Variants in RSBN1 observed in about 807,000 individuals in gnomAD.
RSBN1 encodes the protein lysine-specific demethylase 9.
In RSBN1, 23 loss-of-function variants were observed where a neutral mutation model predicts 74.8. That is an observed-to-expected ratio of 0.31 (90% CI 0.22 to 0.44). The LOEUF is 0.44. Among genes scored for constraint, RSBN1 ranks in the 20% least tolerant of loss-of-function variants. RSBN1 has a pLI of 1.00. For synonymous variants in RSBN1, 407 were observed against 379.6 expected, an observed-to-expected ratio of 1.07 and a Z score of -0.84; for missense variants, 808 against 1,020.9, an observed-to-expected ratio of 0.79 and a Z score of 2.84.
chr1:113,783,734 CAG>C (rs1660184623), intron 2 of RSBN1, among the ~76,000 whole-genome samples: 1 of 152,084 alleles, frequency 6.6e-6, no homozygotes, highest in Non-Finnish European at 1.5e-5. Flanking sequence ...GGCTGCAACA[CAG>C]AGTGGTAAAG....
chr1:113,764,136 A>G lies in RSBN1; in HGVS notation c.*1844T>C, dbSNP rs1659737389. On this transcript the variant is annotated 3_prime_UTR_variant, in exon 7 of 7. Coordinates refer to ENST00000261441, the MANE Select transcript of RSBN1 (RefSeq NM_018364.5). Reference sequence around the variant, plus strand: ...AACAAAATAACAAAAAACACCCTCAAAGGCAGGTCCCGTTAAAAACTAGTC... The same window carrying G: ...AACAAAATAACAAAAAACACCCTCAGAGGCAGGTCCCGTTAAAAACTAGTC... 6.6e-6 allele frequency: 1 copy of G among 152,610 alleles called. No individual in the cohort carries two copies. Among genetic ancestry groups the G allele is most frequent in the African/African-American group, 2.4e-5 (1 of 41,416 alleles). 9.5% of individuals were successfully genotyped at this position (152,610 alleles called of 1,614,324 possible). A position where few individuals can be genotyped will look rare whatever the true frequency, so the allele number is the denominator to read the frequency against.
In RSBN1 at chr1:113,797,837, A is replaced by T. The variant is rs767424702; in HGVS notation, c.903T>A (p.Thr301=). 2 of 1,614,030 alleles carry T rather than the reference A, an allele frequency of 1.2e-6. No homozygotes were observed. Among genetic ancestry groups the T allele is most frequent in the South Asian group, 2.2e-5 (2 of 91,078 alleles). ...TGAAGGACTCCTTATTAAGTCCTGAAGTGCTATTTATTTGTCCTTGGGTGA... is the reference window on the plus strand; with the variant it reads ...TGAAGGACTCCTTATTAAGTCCTGATGTGCTATTTATTTGTCCTTGGGTGA... ...EILTQGQINS[T]SGLNKESFRY... Residue 301 remains threonine (T), a synonymous_variant, in exon 2 of 7, where the codon ACT becomes ACA. Transcript: ENST00000261441.
At chr1:113,778,750 G>C (rs750066598) in intron 2 of RSBN1, among the ~76,000 whole-genome samples, 1 of 152,006 alleles carries the variant, frequency 6.6e-6, no homozygotes, top group Non-Finnish European at 1.5e-5. Context: ...TTTTTTTCCA[G>C]AAGTCTTTCT....
intron 2 of RSBN1, among the ~76,000 whole-genome samples, chr1:113,785,354 T>C (rs1476179852): frequency 2.6e-5 from 4 of 152,202 alleles, no homozygotes; most frequent in Non-Finnish European, 4.4e-5. Context: ...TGAGGGTGTT[T>C]TACAGTTAAC....
chr1:113,793,746 T>C (rs1027282171), intron 2 of RSBN1, among the ~76,000 whole-genome samples: 1 of 151,914 alleles, frequency 6.6e-6, no homozygotes, highest in Non-Finnish European at 1.5e-5. Context: ...AGTGACGTGA[T>C]CTTGGCTCAG....
chr1:113,803,715 T>G (rs1003313150), intron 1 of RSBN1, among the ~76,000 whole-genome samples: 5 of 145,942 alleles, frequency 3.4e-5, no homozygotes, highest in Non-Finnish European at 7.5e-5. Flanking sequence ...GCTGTACTGT[T>G]AGATAGACCT....
chr1:113,775,755 A>T (rs1571297351), intron 4 of RSBN1, among the ~76,000 whole-genome samples: 2 of 152,346 alleles, frequency 1.3e-5, no homozygotes, highest in South Asian at 2.1e-4. Context: ...TAACAATTTA[A>T]TAAGATTTCA....
intron 2 of RSBN1, among the ~76,000 whole-genome samples, chr1:113,789,439 C>T (rs1308154580): frequency 2.6e-5 from 4 of 152,134 alleles, no homozygotes; most frequent in Non-Finnish European, 5.9e-5. Flanking sequence ...TGTTTATTTG[C>T]ACCCTTTAAC....
chr1:113,804,046 T>C (rs1427282969), intron 1 of RSBN1, among the ~76,000 whole-genome samples: 1 of 152,012 alleles, frequency 6.6e-6, no homozygotes, highest in Admixed American at 6.6e-5. Context: ...GGAGGATCGC[T>C]TGAGCCCAGG....
intron 2 of RSBN1, among the ~76,000 whole-genome samples, chr1:113,796,823 A>G (rs1351066847): frequency 6.6e-6 from 1 of 152,202 alleles, no homozygotes; most frequent in Non-Finnish European, 1.5e-5. Context: ...GCTTCAAAAA[A>G]TGTCTTCACC....
At chr1:113,795,356 T>A (rs1224649682) in intron 2 of RSBN1, among the ~76,000 whole-genome samples, 1 of 152,232 alleles carries the variant, frequency 6.6e-6, no homozygotes, top group Non-Finnish European at 1.5e-5. Flanking sequence ...CCCACTAGGT[T>A]GTTTCAAATA....
intron 2 of RSBN1, among the ~76,000 whole-genome samples, chr1:113,781,729 G>A (rs540674873): frequency 9.2e-5 from 14 of 152,068 alleles, no homozygotes; most frequent in Admixed American, 3.3e-4. Context: ...GTACTTCGCC[G>A]GTTAATAATA....
chr1:113,772,101 G>A (rs1302486929), intron 4 of RSBN1, among the ~76,000 whole-genome samples: 1 of 152,092 alleles, frequency 6.6e-6, no homozygotes, highest in East Asian at 1.9e-4. Context: ...TGGGTCTGCA[G>A]TAAACATAGC....
chr1:113,798,753 G>A (rs929246900), intron 1 of RSBN1, among the ~76,000 whole-genome samples: 4 of 152,140 alleles, frequency 2.6e-5, no homozygotes, highest in East Asian at 3.9e-4. Flanking sequence ...TATTTAAAAC[G>A]ACACAACAGG....
intron 2 of RSBN1, among the ~76,000 whole-genome samples, chr1:113,785,080 ACTTT>A (rs888457407): frequency 2.0e-5 from 3 of 152,158 alleles, no homozygotes; most frequent in Non-Finnish European, 2.9e-5. Context: ...ATACAAAAAT[ACTTT>A]CTTTACGTCC....
Position 113,812,193 on chromosome 1 carries a change from C to A in RSBN1, c.220G>T (p.Glu74Ter). Reference sequence around the variant, plus strand: ...GGGGAGACCCCAGCATGAGGTTTCTCCTTCCCCTCTTTGTCCGGCTCCTCC... The same window carrying A: ...GGGGAGACCCCAGCATGAGGTTTCTACTTCCCCTCTTTGTCCGGCTCCTCC... ...AQEEPDKEGK[E>*]KPHAGVSPRG... The change falls in exon 1 of 7, where the codon GAG becomes TAG. Residue 74 changes from glutamate to a stop codon, truncating the protein, a stop_gained. Coordinates refer to ENST00000261441, the MANE Select transcript of RSBN1 (RefSeq NM_018364.5). LOFTEE classifies it high-confidence loss of function. The A allele has an allele frequency of 6.2e-7, 1 of 1,608,638 alleles. No individual in the cohort carries two copies.
At chr1:113,790,978 G>A (rs148000634) in intron 2 of RSBN1, among the ~76,000 whole-genome samples, 556 of 152,216 alleles carry the variant, frequency 3.7e-3, no homozygotes, top group Non-Finnish European at 5.9e-3. Flanking sequence ...ACTCTGGCCT[G>A]GAAATAGCAA....
chr1:113,777,673 T>G lies in RSBN1; in HGVS notation c.1513A>C (p.Lys505Gln), dbSNP rs752051207. 6.2e-7 allele frequency: 1 copy of G among 1,608,432 alleles called. No homozygotes were observed. Among genetic ancestry groups the G allele is most frequent in the Non-Finnish European group, 8.5e-7 (1 of 1,176,552 alleles). ...TAATAATCTTAATTAACACTCACTT[T>G]CAGAAATGGTGATTCTTCTAACATA... ...LDMLEESPFLKMTLPWGTLSS... is the reference protein window; with the variant it reads ...LDMLEESPFLQMTLPWGTLSS... The change falls in exon 3 of 7, where the codon AAA becomes CAA. Residue 505 changes from lysine (K) to glutamine (Q), a missense_variant and splice_region_variant. By Grantham distance (53) the Lys-to-Gln change is moderately conservative. Around this residue, in one of 6 missense-constraint regions of RSBN1, gnomAD observed 112 missense variants for 257.3 expected, o/e 0.44. Transcript: ENST00000261441.
Position 113,766,321 on chromosome 1 carries a change from A to T in RSBN1, c.2068T>A (p.Ser690Thr), listed in dbSNP as rs1659780941. Residue 690 changes from serine (S) to threonine (T), a missense_variant, in exon 7 of 7, where the codon TCG (serine) becomes ACG (threonine). This residue lies in a region of RSBN1 where 38 missense variants were observed against 120.6 expected (regional missense o/e 0.32). Transcript: ENST00000261441. ...RNVIHQFKTV[S>T]AVCSLAWHIR... ...TGCCAGGCTAAGCTGCACACCGCCG[A>T]AACTGTTTTGAACTGATGAATGACA... The T allele has an allele frequency of 1.2e-6, 2 of 1,614,114 alleles. No homozygotes were observed. The highest frequency in any genetic ancestry group is 1.7e-6 in the Non-Finnish European group (2 of 1,179,954).
Sources: allele counts gnomAD v4.1 joint callset (sites outside exome capture counted in the v4.1 genomes callset), GRCh38; gene constraint gnomAD v4.1.1; regional missense constraint gnomAD v4.1.1; transcripts MANE v1.5; gene names NCBI Gene and HGNC (gene_info 2026-07-23, HGNC 2026-07-21).